DIAPH1: variants seen among roughly 807,000 people sequenced by gnomAD.
The protein encoded by DIAPH1 is diaphanous related formin 1.
A neutral mutation model predicts 140.7 loss-of-function variants in DIAPH1; 46 were observed. The ratio of observed to expected loss-of-function variants is 0.33; its 90% CI spans 0.26 to 0.42. The LOEUF (loss-of-function observed/expected upper bound fraction) is 0.42, where lower values mean the gene tolerates loss of function less well. Among genes scored for constraint, DIAPH1 ranks in the 10% least tolerant of loss-of-function variants. The pLI is 1.00. For synonymous variants in DIAPH1, 565 were observed against 551.6 expected (o/e 1.02, Z -0.34); for missense variants, 1,310 against 1,558.7 (o/e 0.84, Z 2.69).
chr5:141,531,453 T>C (rs936049493), intron 19 of DIAPH1, among the ~76,000 whole-genome samples: 3 of 151,938 alleles, frequency 2.0e-5, no homozygotes, highest in Admixed American at 1.3e-4. Flanking sequence ...GCTGGGACTA[T>C]AGGCATGCGG....
chr5:141,550,960 GA>G (rs2099891591), intron 18 of DIAPH1, among the ~76,000 whole-genome samples: 3 of 152,154 alleles, frequency 2.0e-5, no homozygotes, highest in Admixed American at 6.5e-5. Context: ...ACCATAACAG[GA>G]ACTGTTCCCA....
intron 1 of DIAPH1, among the ~76,000 whole-genome samples, chr5:141,598,065 A>C (rs1337370789): frequency 6.6e-6 from 1 of 152,142 alleles, no homozygotes; most frequent in African/African-American, 2.4e-5. Context: ...GATGTCCTTA[A>C]AATCTAGGTG....
rs1430659308 is a variant in DIAPH1 at position 141,618,931 on chromosome 5, G to A, written c.-17C>T. On this transcript the variant is annotated 5_prime_UTR_variant, in exon 1 of 28. Transcript: ENST00000389054. ...CGGCTCCATGTCCCGGTTCACGCTG[G>A]CCGGCGACCCCGCGCCTACGCCGCT... 22 of 1,431,500 alleles carry A rather than the reference G, an allele frequency of 1.5e-5. No individual in the cohort carries two copies. The highest frequency in any genetic ancestry group is 2.0e-5 in the Non-Finnish European group (21 of 1,073,232). 88.7% of individuals were successfully genotyped at this position (1,431,500 alleles called of 1,614,324 possible). A position where few individuals can be genotyped will look rare whatever the true frequency, so the allele number is the denominator to read the frequency against.
chr5:141,571,814 T>G, intron 17 of DIAPH1, 112 bp downstream of exon 17: 1 of 831,654 alleles, frequency 1.2e-6, no homozygotes, highest in Non-Finnish European at 2.1e-6. Flanking sequence ...CAGTCTTCCA[T>G]CCAACATACC....
intron 13 of DIAPH1, 29 bp downstream of exon 13, chr5:141,576,727 G>T: frequency 7.2e-7 from 1 of 1,394,584 alleles, no homozygotes; most frequent in Non-Finnish European, 1.0e-6. Context: ...AGCAATACTT[G>T]GAGGAGCCAG....
chr5:141,571,079 G>A (rs1344241858), intron 18 of DIAPH1, among the ~76,000 whole-genome samples: 1 of 152,100 alleles, frequency 6.6e-6, no homozygotes, highest in Non-Finnish European at 1.5e-5. Flanking sequence ...GTCTCATAAG[G>A]CTTCTCTGCA....
At chr5:141,594,094 G>C (rs945227030) in intron 1 of DIAPH1, among the ~76,000 whole-genome samples, 1 of 152,228 alleles carries the variant, frequency 6.6e-6, no homozygotes, top group East Asian at 1.9e-4. Context: ...ACCGCACCCA[G>C]CCGAGCAAGA....
At chr5:141,618,552 G>A (rs1382960427) in intron 1 of DIAPH1, 3 of 409,162 alleles carry the variant, frequency 7.3e-6, no homozygotes, top group Non-Finnish European at 1.4e-5. Flanking sequence ...CGGGAGGGCA[G>A]AATGTAAGGG....
intron 18 of DIAPH1, among the ~76,000 whole-genome samples, chr5:141,559,321 C>T (rs762258560): frequency 4.6e-5 from 7 of 152,118 alleles, no homozygotes; most frequent in Non-Finnish European, 8.8e-5. Context: ...TCATGCCAAC[C>T]GAATAGCAGT....
intron 18 of DIAPH1, among the ~76,000 whole-genome samples, chr5:141,552,974 G>A (rs72790100): frequency 0.024 from 3,679 of 152,254 alleles, 55 homozygotes; most frequent in African/African-American, 0.03. Flanking sequence ...CCTAGCAAAC[G>A]AATACACTTC....
At chr5:141,598,703 AAC>A (rs2099899698) in intron 1 of DIAPH1, among the ~76,000 whole-genome samples, 1 of 151,992 alleles carries the variant, frequency 6.6e-6, no homozygotes, top group Non-Finnish European at 1.5e-5. Flanking sequence ...CAACAACAAC[AAC>A]AAAAAAGTCA....
chr5:141,580,842 T>C lies in DIAPH1; in HGVS notation c.726A>G (p.Leu242=). The change falls in exon 8 of 28, where the codon CTA becomes CTG. Residue 242 remains leucine (L), a synonymous_variant. Transcript: ENST00000389054. ...CAGGATCCATGGCTCTGACCAGCAGTAGGATTCCTTCTTCTGTCTCCAACA... is the reference window on the plus strand; with the variant it reads ...CAGGATCCATGGCTCTGACCAGCAGCAGGATTCCTTCTTCTGTCTCCAACA... ...KTMLETEEGI[L]LLVRAMDPAV... 2 of 1,614,170 alleles carry C rather than the reference T, an allele frequency of 1.2e-6. No individual in the cohort carries two copies. Among genetic ancestry groups the C allele is most frequent in the Non-Finnish European group, 8.5e-7 (1 of 1,180,018 alleles).
At chr5:141,595,393 G>C (rs552686757) in intron 1 of DIAPH1, among the ~76,000 whole-genome samples, 1 of 152,294 alleles carries the variant, frequency 6.6e-6, no homozygotes, top group South Asian at 2.1e-4. Context: ...GTTGACAATG[G>C]GGGAGGCCAT....
intron 1 of DIAPH1, among the ~76,000 whole-genome samples, chr5:141,590,898 C>T (rs1489003212): frequency 3.9e-5 from 6 of 152,142 alleles, no homozygotes; most frequent in Non-Finnish European, 8.8e-5. Context: ...TAACTGATCT[C>T]CCTGCCTTCA....
At chr5:141,590,338 C>T (rs1404262395) in intron 1 of DIAPH1, among the ~76,000 whole-genome samples, 1 of 152,082 alleles carries the variant, frequency 6.6e-6, no homozygotes, top group African/African-American at 2.4e-5. Flanking sequence ...AATCACTCAC[C>T]CAAACCATGA....
chr5:141,599,434 C>A (rs1210649010), intron 1 of DIAPH1, among the ~76,000 whole-genome samples: 5 of 152,190 alleles, frequency 3.3e-5, no homozygotes, highest in Non-Finnish European at 5.9e-5. Flanking sequence ...ACCAGAACAG[C>A]ACAGCTGAAT....
rs2099888685 is a variant in DIAPH1, at chr5:141,534,185, T to C, written c.2581+150A>G. ...GCAGTGCTATTGAAGAAATTAAACATGATACTGAAAATTCACTGTGCAATG... is the reference window on the plus strand; with the variant it reads ...GCAGTGCTATTGAAGAAATTAAACACGATACTGAAAATTCACTGTGCAATG... On this transcript the variant is annotated intron_variant, in intron 19 of 27. Transcript: ENST00000389054. 4.5e-6 allele frequency: 3 copies of C among 670,278 alleles called. No homozygotes were observed. In the South Asian group the frequency reaches 5.1e-5, roughly 11 times the overall value. The allele number at this position is 670,278 out of a possible 1,614,324, so 41.5% of individuals were successfully genotyped here. A position where few individuals can be genotyped will look rare whatever the true frequency, so the allele number is the denominator to read the frequency against.
At chr5:141,573,324 A>G (rs1391669921) in intron 16 of DIAPH1, among the ~76,000 whole-genome samples, 168 bp downstream of exon 16, 3 of 151,808 alleles carry the variant, frequency 2.0e-5, no homozygotes, top group Admixed American at 6.6e-5. Flanking sequence ...AGTCCCAGCT[A>G]CACGGGAGGC....
Position 141,524,161 on chromosome 5 carries a change from T to G in DIAPH1, c.3643A>C (p.Lys1215Gln), listed in dbSNP as rs1562280214. ...ALQSGAAFRR[K>Q]RGPRQANRKA... ...TACTTACCTTGACGGGGCCCTCTCT[T>G]CCGTCGGAATGCTGCCCCTGACTGC... The change falls in exon 27 of 28, where the codon AAG (lysine) becomes CAG (glutamine). Residue 1215 changes from lysine to glutamine, a missense_variant. By Grantham distance (53) the Lys-to-Gln change is moderately conservative (BLOSUM62 1). This residue lies in a region of DIAPH1 where 344 missense variants were observed against 512.2 expected (regional missense o/e 0.67). Transcript: ENST00000389054. 1 of 1,614,152 alleles carries G rather than the reference T, an allele frequency of 6.2e-7. No individual in the cohort carries two copies. The highest frequency in any genetic ancestry group is 1.6e-4 in the Middle Eastern group (1 of 6,062).
Sources: gnomAD v4.1 joint callset for allele counts (sites outside exome capture counted in the v4.1 genomes callset) on GRCh38, gnomAD v4.1.1 for gene constraint, gnomAD v4.1.1 regional missense constraint, MANE v1.5 for transcripts, NCBI Gene and HGNC (gene_info 2026-07-23, HGNC 2026-07-21) for gene names.